Variants in ABCA2 observed in about 807,000 individuals in gnomAD.
ABCA2 encodes ATP binding cassette subfamily A member 2, also known as ATP-binding cassette sub-family A member 2.
Under a neutral mutation model 262.8 loss-of-function variants are expected in ABCA2, and 84 were observed. The ratio of observed to expected loss-of-function variants is 0.32; its 90% CI spans 0.27 to 0.38. The LOEUF is 0.38. Among genes scored for constraint, ABCA2 ranks in the 10% least tolerant of loss-of-function variants. ABCA2 has a pLI of 1.00. For missense variants in ABCA2, 2,662 were observed against 3,405.9 expected (o/e 0.78, Z 5.44); for synonymous variants, 1,696 against 1,502.9 (o/e 1.13, Z -2.97).
In ABCA2 at chr9:137,021,164, A is replaced by G; in HGVS notation, c.898-103T>C. 7.0e-7 allele frequency: 1 copy of G among 1,421,124 alleles called. No homozygotes were observed. Among genetic ancestry groups the G allele is most frequent in the Non-Finnish European group, 9.2e-7 (1 of 1,085,268 alleles). The allele number at this position is 1,421,124 out of a possible 1,614,324, so 88.0% of individuals were successfully genotyped here. A position where few individuals can be genotyped will look rare whatever the true frequency, so the allele number is the denominator to read the frequency against. On this transcript the variant is annotated intron_variant, in intron 8 of 48. Coordinates refer to ENST00000341511, the MANE Select transcript of ABCA2 (RefSeq NM_001606.5). The surrounding 1 kb of genome is among the most constrained non-coding windows in gnomAD (Gnocchi z 6.0). ...AGACAGCAGCAGGGAGACACAAGCT[A>G]GGGGTGCTGGGAGGGAGTCTGCAGC... is the stretch of plus-strand genomic sequence containing the variant.
rs1052489775 is a variant in ABCA2 at position 137,012,874 on chromosome 9, C to T, written c.4919G>A (p.Arg1640His). ...SLPRLVREPV[R>H]CTCSAQGTGF... ...GGTGCCCTGCGCAGAGCAGGTGCAG[C>T]GGACGGGCTCCCGTACCAGGCGCGG... Residue 1640 changes from arginine to histidine, a missense_variant, in exon 31 of 49, where the codon CGC becomes CAC. Arg to His is a conservative substitution (Grantham distance 29). Around this residue, in one of 12 missense-constraint regions of ABCA2, gnomAD observed 192 missense variants for 207.2 expected, o/e 0.93. Coordinates refer to ENST00000341511, the MANE Select transcript of ABCA2 (RefSeq NM_001606.5). 21 of 1,585,594 alleles carry T rather than the reference C, an allele frequency of 1.3e-5. No homozygotes were observed. Among genetic ancestry groups the T allele is most frequent in the African/African-American group, 1.1e-4 (8 of 74,218 alleles).
intron 21 of ABCA2, 46 bp from the exon 22 acceptor site, chr9:137,016,220 C>T (rs1471510702): frequency 6.2e-7 from 1 of 1,610,642 alleles, no homozygotes; most frequent in Non-Finnish European, 8.5e-7. Flanking sequence ...CTGCAGGGGC[C>T]CCACCCTGCC....
At chr9:137,014,565 G>C in intron 26 of ABCA2, 125 bp downstream of exon 26, 1 of 1,481,628 alleles carries the variant, frequency 6.7e-7, no homozygotes, top group South Asian at 1.3e-5. Flanking sequence ...CTAACCCCGG[G>C]GCGTCCCCTG....
Position 137,011,037 on chromosome 9 carries a change from C to A in ABCA2, c.5992G>T (p.Val1998Phe), listed in dbSNP as rs1264732494. The change falls in exon 39 of 49, where the codon GTT becomes TTT. Residue 1998 changes from valine (V) to phenylalanine (F), a missense_variant. Physicochemically the swap from Val to Phe is conservative, Grantham distance 50. Coordinates refer to ENST00000341511, the MANE Select transcript of ABCA2 (RefSeq NM_001606.5). The surrounding 1 kb of genome is among the most constrained non-coding windows in gnomAD (Gnocchi z 8.8). The part of the protein sequence containing the change: ...IVTRGLVAMA[V>F]EGVVGFLLTI... The stretch of plus-strand genomic sequence containing the variant: ...AGGAGGAAGCCCACGACGCCCTCAA[C>A]CGCCATGGCCACCAGTCCGCGGGTG... 1.9e-6 allele frequency: 3 copies of A among 1,609,470 alleles called. No individual in the cohort carries two copies. Among genetic ancestry groups the A allele is most frequent in the East Asian group, 2.2e-5 (1 of 44,680 alleles).
Position 137,013,075 on chromosome 9 carries a change from T to C in ABCA2, c.4794A>G (p.Pro1598=). Residue 1598 remains proline, a synonymous_variant, in exon 30 of 49, where the codon CCA becomes CCG. Coordinates refer to ENST00000341511, the MANE Select transcript of ABCA2 (RefSeq NM_001606.5). The part of the protein sequence containing the change: ...NFVPPPPSPA[P]SDSPASPDED... ...CATCCGGGGACGCTGGCGAGTCAGATGGGGCGGGCGAGGGTGGGGGTGGCA... is the reference window on the plus strand; with the variant it reads ...CATCCGGGGACGCTGGCGAGTCAGACGGGGCGGGCGAGGGTGGGGGTGGCA... 1 of 1,109,702 alleles carries C rather than the reference T, an allele frequency of 9.0e-7. No homozygotes were observed. Among genetic ancestry groups the C allele is most frequent in the Admixed American group, 2.1e-5 (1 of 47,154 alleles). 68.7% of individuals were successfully genotyped at this position (1,109,702 alleles called of 1,614,324 possible). A position where few individuals can be genotyped will look rare whatever the true frequency, so the allele number is the denominator to read the frequency against.
chr9:137,015,586 G>A lies in ABCA2; in HGVS notation c.3525C>T (p.Ile1175=), dbSNP rs1445957435. The A allele has an allele frequency of 8.1e-6, 13 of 1,612,350 alleles. No individual in the cohort carries two copies. Among genetic ancestry groups the A allele is most frequent in the Non-Finnish European group, 1.0e-5 (12 of 1,179,760 alleles). Residue 1175 remains isoleucine (I), a synonymous_variant, in exon 24 of 49, where the codon ATC becomes ATT. Coordinates refer to ENST00000341511, the MANE Select transcript of ABCA2 (RefSeq NM_001606.5). The stretch of plus-strand genomic sequence containing the variant: ...CATCCATGTGGTGGGTGGACAGAAG[G>A]ATGGTGCGGCCTAGGACAAGGCCAG... ...LILKYKPGRT[I]LLSTHHMDEA... is the part of the protein sequence containing the mutation.
At chr9:137,014,848 G>A (rs972302066) in intron 25 of ABCA2, 38 bp from the exon 26 acceptor site, 10 of 1,583,400 alleles carry the variant, frequency 6.3e-6, no homozygotes, top group Admixed American at 3.6e-5. Context: ...CGGCAGGGAC[G>A]CCCAGGCAGG....
rs376434283 is a variant in ABCA2 at position 137,020,501 on chromosome 9, G to A, written c.1266-6C>T. ...GCGCCTCGGGTTCAATGGTGCTGGG[G>A]TAGGGGACAGGGGGCCGGGCCAGGC... On this transcript the variant is annotated splice_region_variant and splice_polypyrimidine_tract_variant and intron_variant, in intron 9 of 48. Transcript: ENST00000341511. The A allele has an allele frequency of 6.2e-5, 98 of 1,585,216 alleles. No homozygotes were observed. Among genetic ancestry groups the A allele is most frequent in the Admixed American group, 1.7e-4 (10 of 58,820 alleles).
At position 137,017,767 on chromosome 9, in the gene ABCA2, G is replaced by A; in HGVS notation, c.2211+20C>T. The stretch of plus-strand genomic sequence containing the variant: ...CTCCCTGCCAGCCCGCGCCTCCAGG[G>A]AGAGTCCCGGCCCGCGCACCTCCTT... On this transcript the variant is annotated intron_variant, in intron 16 of 48. Transcript: ENST00000341511. The A allele has an allele frequency of 2.5e-6, 4 of 1,611,626 alleles. No individual in the cohort carries two copies. The highest frequency in any genetic ancestry group is 2.5e-6 in the Non-Finnish European group (3 of 1,179,248).
rs377504235 is a variant in ABCA2, at chr9:137,017,959, C to T, written c.2096+14G>A. 1.8e-5 allele frequency: 29 copies of T among 1,612,292 alleles called. No individual in the cohort carries two copies. The South Asian group carries it at 2.5e-4, about 14-fold the overall frequency. On this transcript the variant is annotated intron_variant, in intron 15 of 48. Coordinates refer to ENST00000341511, the MANE Select transcript of ABCA2 (RefSeq NM_001606.5). The stretch of plus-strand genomic sequence containing the variant: ...CCCCAGCCCCAGCCCCAGCCCCGGG[C>T]GCCCAGCACTCACTCATCGCGTGTG...
At position 137,012,813 on chromosome 9, in the gene ABCA2, C is replaced by A. The variant is rs768594701; in HGVS notation, c.4980G>T (p.Pro1660=). 111 of 1,608,742 alleles carry A rather than the reference C, an allele frequency of 6.9e-5. No individual in the cohort carries two copies. The highest frequency in any genetic ancestry group is 3.4e-4 in the Middle Eastern group (2 of 5,950). Residue 1660 remains proline, a synonymous_variant, in exon 31 of 49, where the codon CCG becomes CCT. Coordinates refer to ENST00000341511, the MANE Select transcript of ABCA2 (RefSeq NM_001606.5). ...CGCCTGTGACCACCCGCATCTGGGG[C>A]GGGTGCCCGCCCACACTGCTGGGGC... ...FSCPSSVGGH[P]PQMRVVTGDI... is the part of the protein sequence containing the mutation.
At chr9:137,023,139 G>C (rs1270358707) in intron 3 of ABCA2, 87 bp from the exon 4 acceptor site, 1 of 1,063,126 alleles carries the variant, frequency 9.4e-7, no homozygotes, top group Non-Finnish European at 1.4e-6. Context: ...GACAGAGGCC[G>C]AGAGGAGAAA....
chr9:137,010,557 G>T lies in ABCA2; in HGVS notation c.6174+63C>A, dbSNP rs749145999. ...ACCCAGGCTCCACCTCCACTGCTGG[G>T]GCCCCACCCCCCTGGCCCTGGCCTA... On this transcript the variant is annotated intron_variant, in intron 40 of 48. Transcript: ENST00000341511. The T allele has an allele frequency of 1.5e-5, 24 of 1,582,680 alleles. No homozygotes were observed. The African/African-American group carries it at 3.1e-4, about 21-fold the overall frequency.
At position 137,012,123 on chromosome 9, in the gene ABCA2, G is replaced by A. The variant is rs1278524721; in HGVS notation, c.5339C>T (p.Ala1780Val). 1 of 1,612,600 alleles carries A rather than the reference G, an allele frequency of 6.2e-7. No homozygotes were observed. The highest frequency in any genetic ancestry group is 1.1e-5 in the South Asian group (1 of 91,080). ...VTNHPMNKTS[A>V]SLSLDYLLQG... is the part of the protein sequence containing the mutation. Reference sequence around the variant, plus strand: ...TTACAGGTAATCCAGGGAGAGGCTGGCGCTGGTCTTATTCATGGGGTGGTT... The same window carrying A: ...TTACAGGTAATCCAGGGAGAGGCTGACGCTGGTCTTATTCATGGGGTGGTT... Residue 1780 changes from alanine (A) to valine (V), a missense_variant, in exon 34 of 49, where the codon GCC becomes GTC. Transcript: ENST00000341511.
chr9:137,023,757 A>C, intron 3 of ABCA2, 81 bp downstream of exon 3: 1 of 718,638 alleles, frequency 1.4e-6, no homozygotes, highest in Non-Finnish European at 2.6e-6. Context: ...GCAAGCGGGG[A>C]GGGCGCTCAA....
chr9:137,018,963 G>C lies in ABCA2; in HGVS notation c.1662C>G (p.Leu554=). Residue 554 remains leucine (L), a synonymous_variant, in exon 12 of 49, where the codon CTC becomes CTG. Coordinates refer to ENST00000341511, the MANE Select transcript of ABCA2 (RefSeq NM_001606.5). ...DNFSLPSGMA[L]LQQLDTIDNA... Reference sequence around the variant, plus strand: ...TGTCAATGGTATCCAGCTGCTGCAGGAGGGCCATGCCACTGGGCAGCGAGA... The same window carrying C: ...TGTCAATGGTATCCAGCTGCTGCAGCAGGGCCATGCCACTGGGCAGCGAGA... 4 of 1,613,048 alleles carry C rather than the reference G, an allele frequency of 2.5e-6. No homozygotes were observed. Among genetic ancestry groups the C allele is most frequent in the Non-Finnish European group, 3.4e-6 (4 of 1,179,890 alleles).
At chr9:137,010,802 C>A (rs2131431404) in intron 39 of ABCA2, 65 bp from the exon 40 acceptor site, 2 of 1,529,870 alleles carry the variant, frequency 1.3e-6, no homozygotes, top group East Asian at 2.3e-5. Flanking sequence ...CTGCCACCAG[C>A]CTCGCATCCT....
chr9:137,016,802 C>T (rs1394404350), intron 19 of ABCA2, 64 bp from the exon 20 acceptor site: 3 of 1,538,144 alleles, frequency 2.0e-6, no homozygotes, highest in African/African-American at 1.4e-5. Flanking sequence ...ACCACGTGGG[C>T]CACGTGCCCA....
Position 137,015,444 on chromosome 9 carries a change from T to A in ABCA2, c.3667A>T (p.Lys1223Ter). The stretch of plus-strand genomic sequence containing the variant: ...GGGCCCCCCGGCTCGGCGGGCCGCT[T>A]GACCAGCGTGAGGCGGTACCCGTCG... Reference protein sequence around the residue: ...YGDGYRLTLVKRPAEPGGPQE... With the variant: ...YGDGYRLTLV Residue 1223 changes from lysine (K) to a stop codon, truncating the protein, a stop_gained, in exon 24 of 49, where the codon AAG becomes TAG. Coordinates refer to ENST00000341511, the MANE Select transcript of ABCA2 (RefSeq NM_001606.5). LOFTEE classifies it high-confidence loss of function. 1 of 1,576,002 alleles carries A rather than the reference T, an allele frequency of 6.3e-7. No homozygotes were observed. Among genetic ancestry groups the A allele is most frequent in the Non-Finnish European group, 8.6e-7 (1 of 1,163,596 alleles).
Sources: gnomAD v4.1 joint callset for allele counts on GRCh38, gnomAD v4.1.1 for gene constraint, gnomAD v4.1.1 regional missense constraint, Gnocchi (gnomAD v3.1) non-coding constraint, MANE v1.5 for transcripts, NCBI Gene and HGNC (gene_info 2026-07-23, HGNC 2026-07-21) for gene names.